The following ARHGEF4 variants were observed in gnomAD, a reference collection of about 807,000 sequenced individuals.
ARHGEF4 encodes Rho guanine nucleotide exchange factor 4.
In ARHGEF4, 119 loss-of-function variants were observed where a neutral mutation model predicts 162.0. The ratio of observed to expected loss-of-function variants is 0.73; its 90% CI spans 0.63 to 0.86. ARHGEF4 has a LOEUF of 0.86. Among genes scored for constraint, ARHGEF4 ranks in the 40% least tolerant of loss-of-function variants. ARHGEF4 has a pLI of 0.00. For missense variants in ARHGEF4, 2,488 were observed against 2,456.0 expected (o/e 1.01, Z -0.28); for synonymous variants, 1,014 against 979.9 (o/e 1.03, Z -0.65).
chr2:130,912,344 G>A (rs1458679908), intron 1 of ARHGEF4, among the ~76,000 whole-genome samples: 2 of 152,198 alleles, frequency 1.3e-5, no homozygotes, highest in South Asian at 2.1e-4. Flanking sequence ...CCTCTGGGAC[G>A]TCCTGTAACA....
At chr2:131,039,078 G>C in intron 6 of ARHGEF4, 46 bp downstream of exon 6, 1 of 1,551,480 alleles carries the variant, frequency 6.4e-7, no homozygotes, top group South Asian at 1.2e-5. Context: ...CCCATAAAAA[G>C]CTACCTGGTT....
At chr2:131,011,961 T>TAGGG in intron 4 of ARHGEF4, 1 of 697,740 alleles carries the variant, frequency 1.4e-6, no homozygotes, top group Non-Finnish European at 2.6e-6. Flanking sequence ...AAAGTAAAGG[T>TAGGG]AGGGCTAGCT....
chr2:131,044,916 G>T (rs1430768076), intron 12 of ARHGEF4, among the ~76,000 whole-genome samples: 1 of 152,176 alleles, frequency 6.6e-6, no homozygotes, highest in African/African-American at 2.4e-5. Flanking sequence ...AAAAGCCCTG[G>T]GAGAGCCTTG....
At chr2:130,875,700 A>G (rs532380346) in intron 1 of ARHGEF4, among the ~76,000 whole-genome samples, 1 of 152,324 alleles carries the variant, frequency 6.6e-6, no homozygotes, top group South Asian at 2.1e-4. Context: ...GCTGGGGATC[A>G]AATTTCCAAG....
chr2:130,849,357 G>A (rs1238102896), intron 1 of ARHGEF4, among the ~76,000 whole-genome samples: 1 of 152,142 alleles, frequency 6.6e-6, no homozygotes, highest in Non-Finnish European at 1.5e-5. Flanking sequence ...TGCCCTATAG[G>A]GAGGGTCACC....
chr2:131,004,950 C>G (rs558460584), intron 4 of ARHGEF4, among the ~76,000 whole-genome samples: 3 of 152,144 alleles, frequency 2.0e-5, no homozygotes, highest in Non-Finnish European at 2.9e-5. Context: ...CACACACACA[C>G]CAGGAGGGTG....
intron 1 of ARHGEF4, among the ~76,000 whole-genome samples, chr2:130,848,484 T>G (rs182706130): frequency 3.5e-4 from 54 of 152,256 alleles, no homozygotes; most frequent in Non-Finnish European, 6.8e-4. Flanking sequence ...TTGTGAGAAT[T>G]CAACGAAGGC....
At chr2:131,025,136 T>G (rs1021196185) in intron 4 of ARHGEF4, among the ~76,000 whole-genome samples, 6 of 152,142 alleles carry the variant, frequency 3.9e-5, no homozygotes, top group Non-Finnish European at 5.9e-5. Context: ...TTCCACAGGC[T>G]TCACAGGACG....
In ARHGEF4 at chr2:131,027,856, C is replaced by G. The variant is rs571023123; in HGVS notation, c.3986-89C>G. The G allele has an allele frequency of 2.0e-6, 3 of 1,511,920 alleles. No homozygotes were observed. In the East Asian group the frequency reaches 6.8e-5, roughly 34 times the overall value. 93.7% of individuals were successfully genotyped at this position (1,511,920 alleles called of 1,614,324 possible). The stretch of plus-strand genomic sequence containing the variant: ...TCCCCCTGCAGAAGAAGCATTTGTC[C>G]TGAACCCACTGGGCTCCTTCTCCAC... On this transcript the variant is annotated intron_variant, in intron 4 of 13. Coordinates refer to ENST00000409359, the MANE Select transcript of ARHGEF4 (RefSeq NM_001367493.1).
At chr2:130,840,954 C>T (rs563294396) in intron 1 of ARHGEF4, among the ~76,000 whole-genome samples, 2 of 152,342 alleles carry the variant, frequency 1.3e-5, no homozygotes, top group South Asian at 4.1e-4. Flanking sequence ...GGGAATTGGG[C>T]AAGAGGCAAT....
At chr2:130,899,081 T>G (rs1351321325) in intron 1 of ARHGEF4, among the ~76,000 whole-genome samples, 2 of 152,356 alleles carry the variant, frequency 1.3e-5, no homozygotes, top group Non-Finnish European at 2.9e-5. Flanking sequence ...CCCTGGCTTC[T>G]GCCACATCTC....
intron 2 of ARHGEF4, among the ~76,000 whole-genome samples, chr2:130,917,823 CTTTTTT>C (rs72157600): frequency 2.8e-5 from 3 of 106,948 alleles, no homozygotes; most frequent in Non-Finnish European, 4.0e-5. Context: ...TTCTTTTTTT[CTTTTTT>C]TTTTTTTTTT....
chr2:130,942,274 T>A (rs1299584461), intron 3 of ARHGEF4, among the ~76,000 whole-genome samples: 2 of 151,352 alleles, frequency 1.3e-5, no homozygotes, highest in Non-Finnish European at 2.9e-5. Context: ...CTCAGCCTCC[T>A]GAGTAGCTGG....
At chr2:131,032,822 CTTTCTTTTCT>C (rs1553444484) in intron 5 of ARHGEF4, among the ~76,000 whole-genome samples, 14 of 142,132 alleles carry the variant, frequency 9.8e-5, no homozygotes, top group South Asian at 8.7e-4. Context: ...TGCCTTCAAG[CTTTCTTTTCT>C]TTTCTTTTCT....
intron 3 of ARHGEF4, among the ~76,000 whole-genome samples, chr2:130,940,216 A>T (rs1423380508): frequency 6.6e-6 from 1 of 152,236 alleles, no homozygotes; most frequent in Non-Finnish European, 1.5e-5. Context: ...TGCTACAGTG[A>T]TATCAACAAA....
At chr2:131,008,110 GC>G (rs1262519856) in intron 4 of ARHGEF4, among the ~76,000 whole-genome samples, 11 of 152,042 alleles carry the variant, frequency 7.2e-5, no homozygotes, top group African/African-American at 2.7e-4. Flanking sequence ...ACCACACCTG[GC>G]CCCTAAATTA....
intron 1 of ARHGEF4, among the ~76,000 whole-genome samples, chr2:130,840,689 G>A (rs1680544760): frequency 6.6e-6 from 1 of 152,162 alleles, no homozygotes; most frequent in African/African-American, 2.4e-5. Flanking sequence ...CCACGAGGTG[G>A]ATGCAGGGCA....
chr2:131,040,399 C>T lies in ARHGEF4; in HGVS notation c.4621C>T (p.Arg1541Cys), dbSNP rs767510825. Reference protein sequence around the residue: ...KALEQRFNRERPHLSELGACF... With the variant: ...KALEQRFNRECPHLSELGACF... ...CCTGGAGCAGAGGTTCAACCGCGAGCGCCCACACCTGAGCGAGCTGGGTGC... is the reference window on the plus strand; with the variant it reads ...CCTGGAGCAGAGGTTCAACCGCGAGTGCCCACACCTGAGCGAGCTGGGTGC... Residue 1541 changes from arginine to cysteine, a missense_variant, in exon 8 of 14, where the codon CGC becomes TGC. By Grantham distance (180) the Arg-to-Cys change is radical. Coordinates refer to ENST00000409359, the MANE Select transcript of ARHGEF4 (RefSeq NM_001367493.1). The T allele has an allele frequency of 7.5e-6, 12 of 1,606,988 alleles. No individual in the cohort carries two copies. The South Asian group carries it at 1.0e-4, about 13-fold the overall frequency.
At chr2:130,952,940 T>G (rs1409850593) in intron 4 of ARHGEF4, among the ~76,000 whole-genome samples, 3 of 152,116 alleles carry the variant, frequency 2.0e-5, no homozygotes, top group Admixed American at 2.0e-4. Context: ...TCCATGCTCA[T>G]GGATAGGAAG....
Sources: allele counts gnomAD v4.1 joint callset (sites outside exome capture counted in the v4.1 genomes callset), GRCh38; gene constraint gnomAD v4.1.1; transcripts MANE v1.5; gene names NCBI Gene and HGNC (gene_info 2026-07-23, HGNC 2026-07-21).